ASZ1: variants seen among roughly 807,000 people sequenced by gnomAD.
ASZ1 encodes ankyrin repeat, SAM and basic leucine zipper domain containing 1, also known as ankyrin repeat, SAM and basic leucine zipper domain-containing protein 1.
Under a neutral mutation model 61.8 loss-of-function variants are expected in ASZ1, and 67 were observed. That is an observed-to-expected ratio of 1.08 (90% CI 0.89 to 1.33). The LOEUF (loss-of-function observed/expected upper bound fraction) is 1.33, where lower values mean the gene tolerates loss of function less well. Among genes scored for constraint, ASZ1 ranks in the 40% most tolerant of loss-of-function variants. The pLI, the probability that ASZ1 is intolerant of heterozygous loss-of-function variation, is 0.00. For missense variants in ASZ1, 577 were observed against 554.5 expected (o/e 1.04, Z -0.41); for synonymous variants, 193 against 192.7 (o/e 1.00, Z -0.01).
chr7:117,397,513 T>C (rs916074516), intron 4 of ASZ1, among the ~76,000 whole-genome samples: 5 of 152,224 alleles, frequency 3.3e-5, no homozygotes, highest in African/African-American at 1.2e-4. Context: ...TGTCACTATG[T>C]ATGTCCTCTC....
chr7:117,367,524 T>C, intron 11 of ASZ1, 59 bp from the exon 12 acceptor site: 1 of 1,296,874 alleles, frequency 7.7e-7, no homozygotes, highest in Non-Finnish European at 9.9e-7. Flanking sequence ...TACAACTTTA[T>C]ATCCACAAAG....
At chr7:117,417,852 T>C (rs887975981) in intron 4 of ASZ1, among the ~76,000 whole-genome samples, 2 of 152,250 alleles carry the variant, frequency 1.3e-5, no homozygotes, top group African/African-American at 4.8e-5. Flanking sequence ...GAGTTGATCA[T>C]ATACCAAGCT....
At chr7:117,400,531 T>C (rs1383475308) in intron 4 of ASZ1, among the ~76,000 whole-genome samples, 1 of 152,190 alleles carries the variant, frequency 6.6e-6, no homozygotes, top group East Asian at 1.9e-4. Context: ...GGCCTTCTTA[T>C]GGTGATGGGG....
intron 4 of ASZ1, among the ~76,000 whole-genome samples, chr7:117,405,203 T>G (rs1215803092): frequency 6.6e-6 from 1 of 152,166 alleles, no homozygotes; most frequent in African/African-American, 2.4e-5. Context: ...GATTTATTCC[T>G]GACAGCCCTA....
chr7:117,389,018 A>G (rs1455824882), intron 4 of ASZ1, among the ~76,000 whole-genome samples: 1 of 152,198 alleles, frequency 6.6e-6, no homozygotes, highest in Non-Finnish European at 1.5e-5. Flanking sequence ...AAAACAATAC[A>G]ACTTAAGTAA....
intron 4 of ASZ1, among the ~76,000 whole-genome samples, chr7:117,415,664 G>A (rs1584741651): frequency 6.6e-6 from 1 of 151,988 alleles, no homozygotes; most frequent in Admixed American, 6.5e-5. Flanking sequence ...CGTCTACTAG[G>A]GGGTCTTGGA....
chr7:117,418,069 G>A (rs1369556796), intron 4 of ASZ1, among the ~76,000 whole-genome samples: 1 of 152,162 alleles, frequency 6.6e-6, no homozygotes, highest in African/African-American at 2.4e-5. Flanking sequence ...TAGAACCTAT[G>A]ACACTGGCTT....
At position 117,425,182 on chromosome 7, in the gene ASZ1, T is replaced by C. The variant is rs117860132; in HGVS notation, c.205+1654A>G. ...CTAACTACCTTGTGTGTGAATGTTT[T>C]GTATCTACAATGGCAAAAACCACAA... On this transcript the variant is annotated intron_variant, in intron 2 of 12. Coordinates refer to ENST00000284629, the MANE Select transcript of ASZ1 (RefSeq NM_130768.3). Among the ~76,000 whole-genome samples, 23 of 152,280 alleles carry C rather than the reference T, an allele frequency of 1.5e-4. No individual in the cohort carries two copies. The East Asian group carries it at 4.0e-3, about 27-fold the overall frequency.
intron 4 of ASZ1, among the ~76,000 whole-genome samples, chr7:117,418,464 C>A (rs1188107901): frequency 6.6e-6 from 1 of 151,902 alleles, no homozygotes; most frequent in African/African-American, 2.4e-5. Context: ...ACCAGTCTGG[C>A]CAACATGGTG....
In ASZ1 at chr7:117,382,189, T is replaced by A. The variant is rs376694351; in HGVS notation, c.813-45A>T. On this transcript the variant is annotated intron_variant, in intron 7 of 12. Coordinates refer to ENST00000284629, the MANE Select transcript of ASZ1 (RefSeq NM_130768.3). ...TGTCAATTTCAGAACAGATTATAAA[T>A]GCACAAGCGATAAATATACATTTAT... 6.3e-6 allele frequency: 7 copies of A among 1,116,788 alleles called. No individual in the cohort carries two copies. In the Admixed American group the frequency reaches 1.4e-4, roughly 22 times the overall value. The allele number at this position is 1,116,788 out of a possible 1,614,324, so 69.2% of individuals were successfully genotyped here.
chr7:117,408,651 A>T (rs2116514858), intron 4 of ASZ1, among the ~76,000 whole-genome samples: 1 of 152,310 alleles, frequency 6.6e-6, no homozygotes, highest in South Asian at 2.1e-4. Flanking sequence ...ACTTTAATAT[A>T]TCCAAACATT....
At chr7:117,401,487 T>TTAC (rs1260365023) in intron 4 of ASZ1, among the ~76,000 whole-genome samples, 1 of 151,994 alleles carries the variant, frequency 6.6e-6, no homozygotes, top group Non-Finnish European at 1.5e-5. Flanking sequence ...AGCTGACTTG[T>TTAC]TGTGCTGGAC....
intron 4 of ASZ1, among the ~76,000 whole-genome samples, chr7:117,402,659 G>A (rs1156369180): frequency 6.6e-6 from 1 of 152,138 alleles, no homozygotes; most frequent in Non-Finnish European, 1.5e-5. Flanking sequence ...AAGTGGTATA[G>A]GGGCCTGAGG....
rs972067326 is a variant in ASZ1 at position 117,415,934 on chromosome 7, T to C, written c.440+4229A>G. 3.9e-5 allele frequency among the ~76,000 whole-genome samples: 6 copies of C among 152,218 alleles called. No homozygotes were observed. In the South Asian group the frequency reaches 1.0e-3, roughly 26 times the overall value. On this transcript the variant is annotated intron_variant, in intron 4 of 12. Coordinates refer to ENST00000284629, the MANE Select transcript of ASZ1 (RefSeq NM_130768.3). ...GGCCAGGCGCAGTGACTCATGCCTGTAATCCCAACACTTTGGGAGGCCAAG... is the reference window on the plus strand; with the variant it reads ...GGCCAGGCGCAGTGACTCATGCCTGCAATCCCAACACTTTGGGAGGCCAAG...
intron 1 of ASZ1, 147 bp from the exon 2 acceptor site, chr7:117,427,082 C>A (rs925573462): frequency 2.0e-6 from 2 of 987,930 alleles, no homozygotes; most frequent in Non-Finnish European, 1.5e-6. Flanking sequence ...GAATTCGTGT[C>A]GAAAATTATC....
chr7:117,425,147 A>G (rs1223076788), intron 2 of ASZ1, among the ~76,000 whole-genome samples: 3 of 152,158 alleles, frequency 2.0e-5, no homozygotes, highest in African/African-American at 7.2e-5. Context: ...TATGCTATAT[A>G]TAATCACATC....
rs554046294 is a variant in ASZ1 at position 117,366,846 on chromosome 7, G to A, written c.1275+506C>T. Among the ~76,000 whole-genome samples, 523 of 151,962 alleles carry A rather than the reference G, an allele frequency of 3.4e-3. 4 individuals are homozygous for A. The highest frequency in any genetic ancestry group is 0.012 in the African/African-American group (501 of 41,472). ...TGTACATTTACATGTAAGTAATAAC[G>A]TACAAATATAATTTCATATCTTTAG... On this transcript the variant is annotated intron_variant, in intron 12 of 12. Transcript: ENST00000284629.
intron 12 of ASZ1, among the ~76,000 whole-genome samples, chr7:117,364,453 G>A (rs1437234691): frequency 6.6e-6 from 1 of 151,816 alleles, no homozygotes; most frequent in African/African-American, 2.4e-5. Context: ...GAAGGGGGAA[G>A]TGAGAGAGAG....
intron 4 of ASZ1, among the ~76,000 whole-genome samples, chr7:117,392,556 T>C (rs1353166722): frequency 1.3e-5 from 2 of 152,334 alleles, no homozygotes; most frequent in Admixed American, 1.3e-4. Context: ...CCTGAGACTT[T>C]ACTAAAGTTA....
Sources: gnomAD v4.1 joint callset for allele counts (sites outside exome capture counted in the v4.1 genomes callset) on GRCh38, gnomAD v4.1.1 for gene constraint, MANE v1.5 for transcripts, NCBI Gene and HGNC (gene_info 2026-07-23, HGNC 2026-07-21) for gene names.